Variants in ZPBP observed in about 807,000 individuals in gnomAD.
The protein encoded by ZPBP is zona pellucida binding protein.
ZPBP carries 26 observed loss-of-function variants against 44.8 expected under a neutral mutation model. The observed-to-expected ratio is 0.58, with a 90% CI of 0.43 to 0.81. The LOEUF (loss-of-function observed/expected upper bound fraction) is 0.81. Among genes scored for constraint, ZPBP ranks in the 30% least tolerant of loss-of-function variants. ZPBP has a pLI of 0.00. For synonymous variants in ZPBP, 174 were observed against 153.2 expected (o/e 1.14, Z -1.00); for missense variants, 409 against 434.0 (o/e 0.94, Z 0.51).
At chr7:49,867,381 G>T (rs1366348178) in intron 2 of ZPBP, among the ~76,000 whole-genome samples, 1 of 152,194 alleles carries the variant, frequency 6.6e-6, no homozygotes, top group African/African-American at 2.4e-5. Context: ...CTGCTCCCTA[G>T]CACAGAGAGG....
At chr7:49,978,701 A>G (rs1796638657) in intron 7 of ZPBP, among the ~76,000 whole-genome samples, 1 of 152,022 alleles carries the variant, frequency 6.6e-6, no homozygotes, top group Non-Finnish European at 1.5e-5. Flanking sequence ...TCATACTTGA[A>G]TGGATTTTAA....
intron 6 of ZPBP, among the ~76,000 whole-genome samples, chr7:49,990,044 T>A (rs1054482662): frequency 3.3e-5 from 5 of 152,122 alleles, no homozygotes; most frequent in Non-Finnish European, 7.4e-5. Context: ...CCAAAACACA[T>A]TTTTGTCCCA....
At chr7:50,077,902 C>G (rs992706222) in intron 3 of ZPBP, among the ~76,000 whole-genome samples, 1 of 151,672 alleles carries the variant, frequency 6.6e-6, no homozygotes, top group Non-Finnish European at 1.5e-5. Context: ...TACATACCCA[C>G]AAGAAAGGAA....
At chr7:49,946,879 C>A (rs1176083438) in intron 7 of ZPBP, among the ~76,000 whole-genome samples, 1 of 152,040 alleles carries the variant, frequency 6.6e-6, no homozygotes, top group East Asian at 1.9e-4. Context: ...AGACATGCTT[C>A]ATCTTTTTGT....
At chr7:49,851,965 C>T (rs1242073735) in intron 2 of ZPBP, among the ~76,000 whole-genome samples, 4 of 152,220 alleles carry the variant, frequency 2.6e-5, no homozygotes, top group African/African-American at 9.6e-5. Flanking sequence ...GTTCTAAGGA[C>T]TGCTAGGCAG....
intron 4 of ZPBP, among the ~76,000 whole-genome samples, chr7:50,046,511 A>G (rs1800369859): frequency 6.6e-6 from 1 of 152,234 alleles, no homozygotes; most frequent in Non-Finnish European, 1.5e-5. Context: ...TCTCAAAAGA[A>G]GACATTTATG....
chr7:50,002,015 C>A (rs919729855), intron 6 of ZPBP, among the ~76,000 whole-genome samples: 1 of 152,118 alleles, frequency 6.6e-6, no homozygotes, highest in Non-Finnish European at 1.5e-5. Context: ...ACACACACTA[C>A]CACACCTGGC....
At chr7:49,925,080 C>A (rs1415168489) in intron 1 of ZPBP, among the ~76,000 whole-genome samples, 2 of 152,224 alleles carry the variant, frequency 1.3e-5, no homozygotes, top group Non-Finnish European at 2.9e-5. Context: ...TGAAAGCAGG[C>A]AGCACTCCTG....
At chr7:50,021,210 A>C (rs1467213705) in intron 5 of ZPBP, among the ~76,000 whole-genome samples, 1 of 152,164 alleles carries the variant, frequency 6.6e-6, no homozygotes, top group Non-Finnish European at 1.5e-5. Context: ...GACTTGCTGT[A>C]TAAAAACTCT....
rs1797046703 is a variant in ZPBP at position 49,982,295 on chromosome 7, TA to T, written c.961+1046del. On this transcript the variant is annotated intron_variant, in intron 7 of 7. Transcript: ENST00000046087. ...ATATAATTTATAATTATACATAATA[TA>T]TATAATATATAATTATATAATATAT... 2.4e-3 allele frequency among the ~76,000 whole-genome samples: 45 copies of T among 18,796 alleles called. 1 individual carries two copies. The South Asian group carries it at 0.051, about 21-fold the overall frequency. The allele number at this position is 18,796 out of a possible 152,430, so 12.3% of individuals were successfully genotyped here.
intron 2 of ZPBP, among the ~76,000 whole-genome samples, chr7:49,894,872 G>A (rs1029626930): frequency 1.3e-5 from 2 of 152,208 alleles, no homozygotes; most frequent in African/African-American, 2.4e-5. Flanking sequence ...GAGTGTGCTG[G>A]CAACTAGGGC....
At chr7:49,995,136 A>G (rs1797764378) in intron 6 of ZPBP, among the ~76,000 whole-genome samples, 1 of 152,198 alleles carries the variant, frequency 6.6e-6, no homozygotes, top group African/African-American at 2.4e-5. Flanking sequence ...TATCTTATCA[A>G]TAAGTCTAAA....
At chr7:49,862,355 C>T (rs1393557887) in intron 2 of ZPBP, among the ~76,000 whole-genome samples, 1 of 151,956 alleles carries the variant, frequency 6.6e-6, no homozygotes, top group East Asian at 1.9e-4. Flanking sequence ...AATTATTAGC[C>T]CTAGTATCTT....
chr7:49,886,920 G>A (rs1583756691), intron 2 of ZPBP, among the ~76,000 whole-genome samples: 1 of 151,714 alleles, frequency 6.6e-6, no homozygotes, highest in African/African-American at 2.4e-5. Flanking sequence ...CTACTTTATG[G>A]GTCCTTTTTA....
At chr7:49,956,627 A>G (rs1320000909) in intron 7 of ZPBP, among the ~76,000 whole-genome samples, 1 of 152,094 alleles carries the variant, frequency 6.6e-6, no homozygotes, top group Non-Finnish European at 1.5e-5. Flanking sequence ...CTACCAATGA[A>G]AGAAATAAAA....
intron 3 of ZPBP, 92 bp downstream of exon 3, chr7:50,081,682 A>C: frequency 6.9e-7 from 1 of 1,452,190 alleles, no homozygotes; most frequent in Admixed American, 1.8e-5. Flanking sequence ...TGAGGAAATA[A>C]CATAAATATG....
intron 5 of ZPBP, among the ~76,000 whole-genome samples, chr7:50,026,840 T>G (rs1395127236): frequency 6.6e-6 from 1 of 151,858 alleles, no homozygotes; most frequent in Non-Finnish European, 1.5e-5. Flanking sequence ...CCACTAAAAT[T>G]CTGACTGGAT....
chr7:50,026,715 AAAAC>A (rs928276570), intron 5 of ZPBP, among the ~76,000 whole-genome samples: 8 of 151,930 alleles, frequency 5.3e-5, no homozygotes, highest in East Asian at 1.9e-4. Context: ...ATGGCTACAA[AAAAC>A]AAACAAACAA....
intron 2 of ZPBP, among the ~76,000 whole-genome samples, chr7:49,865,728 A>T (rs1790856868): frequency 6.6e-6 from 1 of 152,220 alleles, no homozygotes. Context: ...GGGCAGACCC[A>T]AACACAGAGG....
Sources: allele counts gnomAD v4.1 joint callset (sites outside exome capture counted in the v4.1 genomes callset), GRCh38; gene constraint gnomAD v4.1.1; transcripts MANE v1.5; gene names NCBI Gene and HGNC (gene_info 2026-07-23, HGNC 2026-07-21).